The following TOX2 variants were observed in gnomAD, a reference collection of about 807,000 sequenced individuals.
TOX2 encodes TOX high mobility group box family member 2.
TOX2 carries 15 observed loss-of-function variants against 47.4 expected under a neutral mutation model. That is an observed-to-expected ratio of 0.32 (90% CI 0.21 to 0.49). The LOEUF (loss-of-function observed/expected upper bound fraction) is 0.49, where lower values mean the gene tolerates loss of function less well. TOX2 is among the 20% of genes least tolerant of loss of function. The pLI is 0.99. For missense variants in TOX2, 622 were observed against 673.1 expected, an observed-to-expected ratio of 0.92 and a Z score of 0.84; for synonymous variants, 290 against 296.6, an observed-to-expected ratio of 0.98 and a Z score of 0.23.
At chr20:43,956,288 G>A (rs1341169417) in intron 1 of TOX2, among the ~76,000 whole-genome samples, 1 of 152,210 alleles carries the variant, frequency 6.6e-6, no homozygotes. Context: ...CAGGTGCAGT[G>A]GCTCAGGCCT....
intron 2 of TOX2, among the ~76,000 whole-genome samples, chr20:44,004,597 G>A (rs1280356513): frequency 2.0e-5 from 3 of 152,156 alleles, no homozygotes; most frequent in South Asian, 2.1e-4. Context: ...TCTGTTCTAC[G>A]ACTGTAAAGG....
At chr20:44,021,639 T>A (rs921012827) in intron 3 of TOX2, among the ~76,000 whole-genome samples, 6 of 147,318 alleles carry the variant, frequency 4.1e-5, no homozygotes, top group East Asian at 1.9e-4. Context: ...CTAGGTCGAC[T>A]TTTTTTTGAG....
intron 1 of TOX2, among the ~76,000 whole-genome samples, chr20:43,950,365 A>G (rs1000931549): frequency 1.3e-5 from 2 of 152,084 alleles, no homozygotes; most frequent in Admixed American, 6.6e-5. Context: ...TGGCTCCCCA[A>G]CCACAGCATC....
At position 44,038,442 on chromosome 20, in the gene TOX2, G is replaced by A. The variant is rs566457057; in HGVS notation, c.412-12864G>A. 4.6e-5 allele frequency among the ~76,000 whole-genome samples: 7 copies of A among 152,218 alleles called. 1 individual carries two copies. In the South Asian group the frequency reaches 1.5e-3, roughly 32 times the overall value. Reference sequence around the variant, plus strand: ...AACTGAAGCAGGGACTTAAATAAGAGCACAATTGAACATAGCCGTTGTTGC... The same window carrying A: ...AACTGAAGCAGGGACTTAAATAAGAACACAATTGAACATAGCCGTTGTTGC... On this transcript the variant is annotated intron_variant, in intron 3 of 8. Coordinates refer to ENST00000341197, the MANE Select transcript of TOX2 (RefSeq NM_001098797.2).
chr20:43,998,879 C>T (rs150990152), intron 2 of TOX2, among the ~76,000 whole-genome samples: 5,963 of 152,146 alleles, frequency 0.039, 336 homozygotes, highest in African/African-American at 0.12. Flanking sequence ...CCTGTCTCAG[C>T]CTCCTGAGTA....
At position 43,914,981 on chromosome 20, in the gene TOX2, C is replaced by T; in HGVS notation, c.90C>T (p.His30=). The T allele has an allele frequency of 4.0e-6, 5 of 1,248,370 alleles. No individual in the cohort carries two copies. The highest frequency in any genetic ancestry group is 4.0e-6 in the Non-Finnish European group (4 of 996,328). 77.3% of individuals were successfully genotyped at this position (1,248,370 alleles called of 1,614,324 possible). ...GCCTGGCGCACCTGGACTATTACCA[C>T]GGCGGCAAGGTAGGCGGGGGCGGGC... ...PAGLAHLDYY[H]GGKFDGDSAY... Residue 30 remains histidine, a synonymous_variant, in exon 1 of 9, where the codon CAC becomes CAT. Coordinates refer to ENST00000341197, the MANE Select transcript of TOX2 (RefSeq NM_001098797.2). The surrounding 1 kb of genome is among the most constrained non-coding windows in gnomAD (Gnocchi z 4.5).
At chr20:43,934,503 G>A (rs566872272) in intron 1 of TOX2, among the ~76,000 whole-genome samples, 9 of 152,284 alleles carry the variant, frequency 5.9e-5, no homozygotes, top group African/African-American at 1.9e-4. Context: ...CTCTTCCTAA[G>A]GGACCATACC....
intron 5 of TOX2, 105 bp from the exon 6 acceptor site, chr20:44,064,672 C>T (rs866904050): frequency 5.6e-6 from 6 of 1,073,866 alleles, no homozygotes; most frequent in Admixed American, 3.9e-5. Context: ...CCACCACCCT[C>T]GTCCATTCGT....
In TOX2 at chr20:44,068,760, AG is replaced by A. The variant is rs781376478; in HGVS notation, c.*76del. On this transcript the variant is annotated 3_prime_UTR_variant, in exon 9 of 9. Coordinates refer to ENST00000341197, the MANE Select transcript of TOX2 (RefSeq NM_001098797.2). ...GCCTGAAGGGCTGACAGCAGAAAAGAGGCCCTGGCCAGAGGCAGGGTGGCCC... is the reference window on the plus strand; with the variant it reads ...GCCTGAAGGGCTGACAGCAGAAAAGAGCCCTGGCCAGAGGCAGGGTGGCCC... 2.5e-6 allele frequency: 4 copies of A among 1,598,984 alleles called. No individual in the cohort carries two copies. The Admixed American group carries it at 6.8e-5, about 27-fold the overall frequency.
intron 2 of TOX2, among the ~76,000 whole-genome samples, chr20:43,980,873 A>G (rs866549959): frequency 9.8e-5 from 15 of 152,368 alleles, no homozygotes; most frequent in Middle Eastern, 3.4e-3. Context: ...AAATCAACAT[A>G]TGACTTTTGT....
chr20:43,954,251 C>T (rs1393036282), intron 1 of TOX2, among the ~76,000 whole-genome samples: 2 of 152,130 alleles, frequency 1.3e-5, no homozygotes, highest in Non-Finnish European at 2.9e-5. Context: ...CTTAAATGCT[C>T]CCACCCACTA....
At chr20:44,031,244 GC>G (rs2071146099) in intron 3 of TOX2, among the ~76,000 whole-genome samples, 2 of 152,186 alleles carry the variant, frequency 1.3e-5, no homozygotes, top group South Asian at 4.1e-4. Context: ...CTCTGTTAGC[GC>G]CCTCTGTGTT....
At chr20:43,996,447 T>C (rs2070482683) in intron 2 of TOX2, among the ~76,000 whole-genome samples, 1 of 152,158 alleles carries the variant, frequency 6.6e-6, no homozygotes, top group Non-Finnish European at 1.5e-5. Context: ...CCAGGACTCG[T>C]GTGTGTTGGG....
At chr20:43,991,826 T>G (rs183178487) in intron 2 of TOX2, among the ~76,000 whole-genome samples, 1 of 152,040 alleles carries the variant, frequency 6.6e-6, no homozygotes. Context: ...GTATTTTTAG[T>G]ACAGATGGGG....
intron 2 of TOX2, among the ~76,000 whole-genome samples, chr20:43,996,299 T>C (rs906847228): frequency 6.6e-6 from 1 of 152,190 alleles, no homozygotes; most frequent in African/African-American, 2.4e-5. Context: ...CTGGTGCGGG[T>C]TTTACTTGTT....
chr20:44,020,384 T>C (rs1199134209), intron 3 of TOX2, among the ~76,000 whole-genome samples: 1 of 152,112 alleles, frequency 6.6e-6, no homozygotes, highest in Non-Finnish European at 1.5e-5. Context: ...GGTTGATAGG[T>C]GCAGCAAACC....
chr20:43,976,316 G>C (rs1166783980), intron 2 of TOX2, among the ~76,000 whole-genome samples: 3 of 152,226 alleles, frequency 2.0e-5, no homozygotes, highest in Non-Finnish European at 2.9e-5. Context: ...GGGCTGGTTG[G>C]TATGGGAGGC....
intron 3 of TOX2, among the ~76,000 whole-genome samples, chr20:44,043,191 G>T (rs941007058): frequency 2.0e-5 from 3 of 152,130 alleles, no homozygotes; most frequent in African/African-American, 7.2e-5. Flanking sequence ...ACATTTCAGG[G>T]TGCCTAATGT....
intron 1 of TOX2, among the ~76,000 whole-genome samples, chr20:43,937,443 C>T (rs2069340626): frequency 6.6e-6 from 1 of 151,784 alleles, no homozygotes; most frequent in Non-Finnish European, 1.5e-5. Context: ...GTGTTGTGGG[C>T]ACAGAGTTCA....
Sources: gnomAD v4.1 joint callset for allele counts (sites outside exome capture counted in the v4.1 genomes callset) on GRCh38, gnomAD v4.1.1 for gene constraint, Gnocchi (gnomAD v3.1) non-coding constraint, MANE v1.5 for transcripts, NCBI Gene and HGNC (gene_info 2026-07-23, HGNC 2026-07-21) for gene names.